MEIS2: variants seen among roughly 807,000 people sequenced by gnomAD.
MEIS2 encodes the protein Meis homeobox 2.
MEIS2 carries 9 observed loss-of-function variants against 58.6 expected under a neutral mutation model. The observed-to-expected ratio is 0.15, with a 90% confidence interval of 0.09 to 0.27. The LOEUF (loss-of-function observed/expected upper bound fraction) is 0.27, where lower values mean the gene tolerates loss of function less well. MEIS2 is among the 10% of genes least tolerant of loss of function. The pLI is 1.00. For missense variants in MEIS2, 427 were observed against 635.0 expected, an observed-to-expected ratio of 0.67 and a Z score of 3.52; for synonymous variants, 221 against 228.4, an observed-to-expected ratio of 0.97 and a Z score of 0.29.
intron 8 of MEIS2, among the ~76,000 whole-genome samples, chr15:37,024,715 C>CTAGT (rs1334898975): frequency 4.6e-5 from 7 of 152,220 alleles, no homozygotes; most frequent in African/African-American, 1.7e-4. Context: ...ACAATTCTGT[C>CTAGT]TAGTACCAGA....
At chr15:36,934,162 T>G (rs1044143711) in intron 9 of MEIS2, among the ~76,000 whole-genome samples, 1 of 152,230 alleles carries the variant, frequency 6.6e-6, no homozygotes, top group Non-Finnish European at 1.5e-5. Context: ...TTAAAATTTT[T>G]CTGCATGACT....
At chr15:36,930,488 T>C (rs987817566) in intron 9 of MEIS2, among the ~76,000 whole-genome samples, 2 of 152,140 alleles carry the variant, frequency 1.3e-5, no homozygotes, top group African/African-American at 2.4e-5. Flanking sequence ...TGCAAACATA[T>C]AGGTTTAAAG....
At chr15:37,077,889 T>A (rs1345651690) in intron 7 of MEIS2, among the ~76,000 whole-genome samples, 1 of 152,098 alleles carries the variant, frequency 6.6e-6, no homozygotes, top group Non-Finnish European at 1.5e-5. Flanking sequence ...CAGAGAGAGA[T>A]GAACTGCATC....
At chr15:36,979,566 C>T (rs2059865001) in intron 8 of MEIS2, among the ~76,000 whole-genome samples, 1 of 151,588 alleles carries the variant, frequency 6.6e-6, no homozygotes, top group South Asian at 2.1e-4. Context: ...TTGCATTTTT[C>T]ACTAATGAAT....
chr15:36,949,675 TA>T (rs943344007), intron 9 of MEIS2, among the ~76,000 whole-genome samples: 2 of 152,044 alleles, frequency 1.3e-5, no homozygotes, highest in African/African-American at 4.8e-5. Context: ...AGTATTTTGA[TA>T]AGTAATTCCT....
At chr15:37,042,890 T>C (rs1167300801) in intron 7 of MEIS2, among the ~76,000 whole-genome samples, 6 of 152,212 alleles carry the variant, frequency 3.9e-5, no homozygotes, top group Non-Finnish European at 8.8e-5. Flanking sequence ...ATGCTACCAA[T>C]ATTTGAGCCT....
At chr15:36,961,046 G>C (rs2059162577) in intron 8 of MEIS2, among the ~76,000 whole-genome samples, 1 of 151,996 alleles carries the variant, frequency 6.6e-6, no homozygotes, top group Non-Finnish European at 1.5e-5. Context: ...AACAGCCTCT[G>C]CAGTGAAAGT....
At chr15:36,922,345 G>T (rs1013526950) in intron 9 of MEIS2, among the ~76,000 whole-genome samples, 1 of 152,150 alleles carries the variant, frequency 6.6e-6, no homozygotes. Flanking sequence ...CCCGAAAACT[G>T]TAAAGGGCTA....
chr15:36,892,535 GAA>G (rs1271676407), intron 11 of MEIS2, 76 bp from the exon 12 acceptor site: 2,059 of 507,174 alleles, frequency 4.1e-3, no homozygotes, highest in East Asian at 5.1e-3. Flanking sequence ...AAGATGAAAA[GAA>G]AAAAAAAAAA....
At chr15:36,982,997 T>A (rs570363717) in intron 8 of MEIS2, among the ~76,000 whole-genome samples, 1 of 152,256 alleles carries the variant, frequency 6.6e-6, no homozygotes, top group African/African-American at 2.4e-5. Flanking sequence ...TATTGGGTTA[T>A]GTGTTTTCTT....
In MEIS2 at chr15:37,096,443, G is replaced by GA; in HGVS notation, c.246-14_246-13insT. 7 of 1,611,120 alleles carry GA rather than the reference G, an allele frequency of 4.3e-6. No homozygotes were observed. Among genetic ancestry groups the GA allele is most frequent in the Non-Finnish European group, 5.9e-6 (7 of 1,178,556 alleles). On this transcript the variant is annotated splice_polypyrimidine_tract_variant and intron_variant, in intron 2 of 11. Coordinates refer to ENST00000561208, the MANE Select transcript of MEIS2 (RefSeq NM_170675.5). ...AAACAACGGGTGCCTAACGGGCAGC[G>GA]CCACGCAGAGACACACACACAGAGA...
intron 7 of MEIS2, among the ~76,000 whole-genome samples, chr15:37,059,624 T>C (rs968386487): frequency 2.7e-5 from 4 of 147,744 alleles, no homozygotes; most frequent in African/African-American, 9.9e-5. Context: ...ACTGCCTTCT[T>C]TTTTTTTTTT....
chr15:36,928,325 C>T (rs771874161), intron 9 of MEIS2, among the ~76,000 whole-genome samples: 6 of 152,092 alleles, frequency 3.9e-5, no homozygotes, highest in Non-Finnish European at 8.8e-5. Flanking sequence ...ATTAAAACAA[C>T]AACAGTAACA....
At chr15:36,938,671 T>A (rs1471811961) in intron 9 of MEIS2, among the ~76,000 whole-genome samples, 1 of 152,228 alleles carries the variant, frequency 6.6e-6, no homozygotes, top group Admixed American at 6.5e-5. Flanking sequence ...AAATCGTTTT[T>A]CCTCTCACTT....
chr15:36,917,451 T>A (rs1396314802), intron 9 of MEIS2, among the ~76,000 whole-genome samples: 1 of 151,164 alleles, frequency 6.6e-6, no homozygotes, highest in African/African-American at 2.4e-5. Flanking sequence ...AAAGTAAGCC[T>A]TTACTCTGAA....
At chr15:36,993,645 G>A (rs1252603200) in intron 8 of MEIS2, among the ~76,000 whole-genome samples, 1 of 152,148 alleles carries the variant, frequency 6.6e-6, no homozygotes, top group Non-Finnish European at 1.5e-5. Context: ...CTGTGTGTAT[G>A]TGCTGCACTA....
intron 7 of MEIS2, among the ~76,000 whole-genome samples, chr15:37,070,608 TTC>T (rs1188200391): frequency 6.6e-6 from 1 of 152,182 alleles, no homozygotes; most frequent in East Asian, 1.9e-4. Context: ...TCTTTTTTGT[TTC>T]TGTTTGTTTG....
intron 9 of MEIS2, among the ~76,000 whole-genome samples, chr15:36,910,401 C>T (rs2056951065): frequency 6.6e-6 from 1 of 152,022 alleles, no homozygotes. Context: ...CAGATTGTGT[C>T]ACAGCCTTTA....
intron 9 of MEIS2, among the ~76,000 whole-genome samples, chr15:36,924,358 C>A (rs1203273420): frequency 1.3e-5 from 2 of 152,172 alleles, no homozygotes; most frequent in South Asian, 4.1e-4. Context: ...GCTGAGATCG[C>A]GGTCATGAAC....
Sources: gnomAD v4.1 joint callset for allele counts (sites outside exome capture counted in the v4.1 genomes callset) on GRCh38, gnomAD v4.1.1 for gene constraint, MANE v1.5 for transcripts, NCBI Gene and HGNC (gene_info 2026-07-23, HGNC 2026-07-21) for gene names.